CCDC171: variants seen among roughly 807,000 people sequenced by gnomAD.
The protein encoded by CCDC171 is coiled-coil domain-containing protein 171.
A neutral mutation model predicts 168.2 loss-of-function variants in CCDC171; 177 were observed. The observed-to-expected ratio is 1.05, with a 90% CI of 0.93 to 1.19. The LOEUF is 1.19. CCDC171 is among the 50% of genes most tolerant of loss of function. The pLI, the probability that CCDC171 is intolerant of heterozygous loss-of-function variation, is 0.00. For synonymous variants in CCDC171, 687 were observed against 540.8 expected (o/e 1.27, Z -3.75); for missense variants, 1,991 against 1,539.0 (o/e 1.29, Z -4.91).
chr9:15,784,895 T>C (rs960616792), intron 21 of CCDC171, among the ~76,000 whole-genome samples: 1 of 152,122 alleles, frequency 6.6e-6, no homozygotes, highest in Non-Finnish European at 1.5e-5. Flanking sequence ...AGGCTTTACT[T>C]GCTGGTTGAA....
chr9:15,593,131 G>T (rs2042109812), intron 5 of CCDC171, among the ~76,000 whole-genome samples: 1 of 151,668 alleles, frequency 6.6e-6, no homozygotes, highest in Non-Finnish European at 1.5e-5. Context: ...TTAGCCCTTG[G>T]GGGAAAAAAA....
chr9:15,590,217 T>G (rs558106968), intron 4 of CCDC171, among the ~76,000 whole-genome samples: 1 of 152,226 alleles, frequency 6.6e-6, no homozygotes, highest in Non-Finnish European at 1.5e-5. Context: ...GGGGGACTTT[T>G]AATGTATTTC....
At chr9:15,656,057 C>T (rs1467659026) in intron 7 of CCDC171, among the ~76,000 whole-genome samples, 2 of 152,146 alleles carry the variant, frequency 1.3e-5, no homozygotes, top group East Asian at 1.9e-4. Flanking sequence ...CGGTGGCTGA[C>T]GCCTGTAATC....
At chr9:15,613,545 A>G (rs2043859907) in intron 6 of CCDC171, among the ~76,000 whole-genome samples, 1 of 142,160 alleles carries the variant, frequency 7.0e-6, no homozygotes, top group South Asian at 2.2e-4. Context: ...TTTTTTTCAG[A>G]TGGAGTCTCG....
chr9:16,003,327 C>T (rs1375124458), intron 3 of CCDC171, among the ~76,000 whole-genome samples: 1 of 152,154 alleles, frequency 6.6e-6, no homozygotes, highest in Non-Finnish European at 1.5e-5. Context: ...GATTTTATGA[C>T]TAAGATCAGA....
chr9:15,636,281 C>T (rs2046194411), intron 7 of CCDC171, among the ~76,000 whole-genome samples: 1 of 152,040 alleles, frequency 6.6e-6, no homozygotes, highest in Non-Finnish European at 1.5e-5. Flanking sequence ...ACTCTAACCA[C>T]ACATGGGTTA....
the CCDC171 span, among the ~76,000 whole-genome samples, chr9:16,086,672 A>G: frequency 6.6e-6 from 1 of 152,002 alleles, no homozygotes. Context: ...CAGCTCCTAG[A>G]TTCATTGAGT....
At chr9:15,663,644 C>A (rs947783949) in intron 8 of CCDC171, among the ~76,000 whole-genome samples, 3 of 142,518 alleles carry the variant, frequency 2.1e-5, no homozygotes, top group Non-Finnish European at 3.0e-5. Context: ...ATCGCTCTGT[C>A]ACCCAGGCTG....
downstream of CCDC171, among the ~76,000 whole-genome samples, chr9:16,062,218 G>C (rs550431721): frequency 6.6e-6 from 1 of 152,148 alleles, no homozygotes; most frequent in African/African-American, 2.4e-5. Context: ...AGGGGAGAAG[G>C]TTATGGACAG....
In CCDC171 at chr9:15,726,569, A is replaced by G. The variant is rs556085431; in HGVS notation, c.1693-1300A>G. On this transcript the variant is annotated intron_variant, in intron 14 of 25. Transcript: ENST00000380701. ...ATAGCATATTTGTGAAAAAAATCTG[A>G]TTTCTTAAATTTGTTGTTGTAACTA... Among the ~76,000 whole-genome samples the G allele has an allele frequency of 1.9e-3, 296 of 152,254 alleles. 1 individual carries two copies. The highest frequency in any genetic ancestry group is 0.014 in the Middle Eastern group (4 of 294).
downstream of CCDC171, chr9:16,061,366 C>A (rs62550913): frequency 0.071 from 10,857 of 152,268 alleles, 513 homozygotes; most frequent in Non-Finnish European, 0.11. Context: ...CTGTTGGCAG[C>A]ACCTTAAGAA....
intron 16 of CCDC171, among the ~76,000 whole-genome samples, chr9:15,733,451 A>G (rs966035481): frequency 2.6e-5 from 4 of 151,056 alleles, no homozygotes; most frequent in African/African-American, 7.3e-5. Context: ...TAGTTTCTGT[A>G]AAGGTGTGAG....
At chr9:15,801,811 G>C (rs924650555) in intron 21 of CCDC171, among the ~76,000 whole-genome samples, 2 of 151,650 alleles carry the variant, frequency 1.3e-5, no homozygotes, top group Non-Finnish European at 2.9e-5. Flanking sequence ...ATTTTTTTTA[G>C]GCTTTTTTAA....
At position 15,691,544 on chromosome 9, in the gene CCDC171, TTTTATATATA is replaced by T. The variant is rs1201283547; in HGVS notation, c.1216-3689_1216-3680del. Among the ~76,000 whole-genome samples, 104 of 87,756 alleles carry T rather than the reference TTTTATATATA, an allele frequency of 1.2e-3. 6 individuals are homozygous for T. The highest frequency in any genetic ancestry group is 1.7e-3 in the Non-Finnish European group (75 of 43,780). 57.6% of individuals were successfully genotyped at this position (87,756 alleles called of 152,430 possible). A position where few individuals can be genotyped will look rare whatever the true frequency, so the allele number is the denominator to read the frequency against. ...TTAAAAATACCTGTAAATATATGTT[TTTTATATATA>T]TATATATATATATATATGTACACAT... On this transcript the variant is annotated intron_variant, in intron 10 of 25. Transcript: ENST00000380701.
chr9:15,593,509 A>T (rs1490573845), intron 5 of CCDC171, among the ~76,000 whole-genome samples: 1 of 152,082 alleles, frequency 6.6e-6, no homozygotes, highest in African/African-American at 2.4e-5. Context: ...GAGTTTCCTT[A>T]TCCTAATTTG....
At chr9:15,726,370 G>T (rs2053801613) in intron 14 of CCDC171, among the ~76,000 whole-genome samples, 1 of 152,146 alleles carries the variant, frequency 6.6e-6, no homozygotes, top group Non-Finnish European at 1.5e-5. Context: ...GGACATAATA[G>T]CGACACAATG....
At chr9:16,104,998 G>C in the CCDC171 span, among the ~76,000 whole-genome samples, 5 of 152,256 alleles carry the variant, frequency 3.3e-5, no homozygotes, top group African/African-American at 1.2e-4. Flanking sequence ...TGAAGGCTGA[G>C]GGGAGAGAAG....
intron 2 of CCDC171, among the ~76,000 whole-genome samples, chr9:15,565,671 AAGTTGTAACAC>A (rs1279679714): frequency 1.3e-5 from 2 of 152,126 alleles, no homozygotes; most frequent in Non-Finnish European, 2.9e-5. Flanking sequence ...GAGTTTTGTA[AAGTTGTAACAC>A]GTAGCAGCCC....
At chr9:15,569,801 C>A (rs995901647) in intron 2 of CCDC171, among the ~76,000 whole-genome samples, 1 of 149,592 alleles carries the variant, frequency 6.7e-6, no homozygotes, top group Non-Finnish European at 1.5e-5. Flanking sequence ...GGCGACAGAG[C>A]GAGACTCCGT....
Sources: gnomAD v4.1 joint callset for allele counts (sites outside exome capture counted in the v4.1 genomes callset) on GRCh38, gnomAD v4.1.1 for gene constraint, MANE v1.5 for transcripts, NCBI Gene and HGNC (gene_info 2026-07-23, HGNC 2026-07-21) for gene names.